Variants in SSH3 observed in about 807,000 individuals in gnomAD.
SSH3 encodes slingshot protein phosphatase 3, also known as protein phosphatase Slingshot homolog 3.
Under a neutral mutation model 75.0 loss-of-function variants are expected in SSH3, and 67 were observed. The observed-to-expected ratio is 0.89, with a 90% confidence interval of 0.73 to 1.10. The LOEUF (loss-of-function observed/expected upper bound fraction) is 1.10, where lower values mean the gene tolerates loss of function less well. Among genes scored for constraint, SSH3 ranks in the 50% least tolerant of loss-of-function variants. The pLI, the probability that SSH3 is intolerant of heterozygous loss-of-function variation, is 0.00. For missense variants in SSH3, 824 were observed against 872.7 expected, an observed-to-expected ratio of 0.94 and a Z score of 0.70; for synonymous variants, 318 against 349.2, an observed-to-expected ratio of 0.91 and a Z score of 1.00.
chr11:67,307,141 C>CT lies in SSH3; in HGVS notation c.536+29dup, dbSNP rs1388129852. On this transcript the variant is annotated intron_variant, in intron 5 of 13. Coordinates refer to ENST00000308127, the MANE Select transcript of SSH3 (RefSeq NM_017857.4). The surrounding 1 kb of genome is among the most constrained non-coding windows in gnomAD (Gnocchi z 4.2). The stretch of plus-strand genomic sequence containing the variant: ...AAGCAATGGCAACTGGAGGTGGGGG[C>CT]TGGAGGGTGGAATAACTGAGTGTGA... The CT allele has an allele frequency of 6.2e-7, 1 of 1,610,780 alleles. No homozygotes were observed. Among genetic ancestry groups the CT allele is most frequent in the Non-Finnish European group, 8.5e-7 (1 of 1,179,446 alleles).
At position 67,309,780 on chromosome 11, in the gene SSH3, C is replaced by T; in HGVS notation, c.1221C>T (p.Thr407=). ...RFIEAARAQG[T]HVLVHCKMGV... The stretch of plus-strand genomic sequence containing the variant: ...CCTGCTTCCACAGAGCACAGGGCAC[C>T]CACGTGCTGGTCCACTGCAAGATGG... Residue 407 remains threonine (T), a synonymous_variant, in exon 12 of 14, where the codon ACC becomes ACT. Transcript: ENST00000308127. The T allele has an allele frequency of 6.2e-7, 1 of 1,613,100 alleles. No homozygotes were observed. The highest frequency in any genetic ancestry group is 1.1e-5 in the South Asian group (1 of 91,082).
chr11:67,309,662 C>G (rs1374033035), intron 11 of SSH3, 106 bp from the exon 12 acceptor site: 3 of 1,578,224 alleles, frequency 1.9e-6, no homozygotes, highest in African/African-American at 2.7e-5. Context: ...GTCCTTCCCT[C>G]CTTCTCTACT....
At position 67,309,530 on chromosome 11, in the gene SSH3, A is replaced by T; in HGVS notation, c.1195A>T (p.Ile399Phe). 2 of 1,613,814 alleles carry T rather than the reference A, an allele frequency of 1.2e-6. No individual in the cohort carries two copies. Among genetic ancestry groups the T allele is most frequent in the Non-Finnish European group, 8.5e-7 (1 of 1,180,020 alleles). ...GCACTGGAAGGAGACGCACCGCTTC[A>T]TTGAGGCTGCAAGGTCGGTCTCCTG... ...LPHWKETHRF[I>F]EAARAQGTHV... Residue 399 changes from isoleucine (I) to phenylalanine (F), a missense_variant, in exon 11 of 14, where the codon ATT (isoleucine) becomes TTT (phenylalanine). Transcript: ENST00000308127.
Position 67,303,548 on chromosome 11 carries a change from T to C in SSH3, c.-78T>C. 1.4e-6 allele frequency: 2 copies of C among 1,408,264 alleles called. No individual in the cohort carries two copies. Among genetic ancestry groups the C allele is most frequent in the Non-Finnish European group, 1.9e-6 (2 of 1,053,640 alleles). 87.2% of individuals were successfully genotyped at this position (1,408,264 alleles called of 1,614,324 possible). A position where few individuals can be genotyped will look rare whatever the true frequency, so the allele number is the denominator to read the frequency against. On this transcript the variant is annotated 5_prime_UTR_variant, in exon 1 of 14. Transcript: ENST00000308127. ...TGGCGCCGTCCGTCCTTCCTGGTCC[T>C]GCGGGTCCAGGACTGTCCGCGGGGT...
intron 1 of SSH3, 114 bp from the exon 2 acceptor site, chr11:67,304,004 A>G: frequency 7.5e-7 from 1 of 1,335,516 alleles, no homozygotes. Flanking sequence ...TGGGGTGGGA[A>G]GACGATTGGC....
At chr11:67,303,978 C>T in intron 1 of SSH3, 140 bp from the exon 2 acceptor site, 1 of 1,176,242 alleles carries the variant, frequency 8.5e-7, no homozygotes, top group East Asian at 2.8e-5. Context: ...ACGGGGCCTC[C>T]CGGTGGGGCG....
intron 3 of SSH3, among the ~76,000 whole-genome samples, chr11:67,306,321 T>A (rs35973158): frequency 2.1e-5 from 3 of 144,122 alleles, no homozygotes; most frequent in Non-Finnish European, 3.0e-5. Context: ...TCCTTCTTGC[T>A]GGGCACAGTG....
rs548041384 is a variant in SSH3, at chr11:67,311,468, C to T, written c.1684-123C>T. ...TTTGGCGTGCGTGCCACAAACATTC[C>T]GGCCCTCGCCTCCTCCTGGCTCTGT... On this transcript the variant is annotated intron_variant, in intron 13 of 13. Coordinates refer to ENST00000308127, the MANE Select transcript of SSH3 (RefSeq NM_017857.4). 206 of 1,281,304 alleles carry T rather than the reference C, an allele frequency of 1.6e-4. No homozygotes were observed. The East Asian group carries it at 4.5e-3, about 28-fold the overall frequency. 79.4% of individuals were successfully genotyped at this position (1,281,304 alleles called of 1,614,324 possible). A position where few individuals can be genotyped will look rare whatever the true frequency, so the allele number is the denominator to read the frequency against.
intron 3 of SSH3, among the ~76,000 whole-genome samples, chr11:67,305,380 C>T (rs1418917319): frequency 6.6e-6 from 1 of 151,906 alleles, no homozygotes; most frequent in Admixed American, 6.6e-5. Context: ...AGTAGAGATG[C>T]GGTTTCACCG....
chr11:67,309,259 TCTC>T (rs1861341012), intron 10 of SSH3, 135 bp from the exon 11 acceptor site: 17 of 1,095,132 alleles, frequency 1.6e-5, no homozygotes, highest in Admixed American at 6.7e-5. Flanking sequence ...CTGGGTCACT[TCTC>T]CTCCCACTGT....
Position 67,309,489 on chromosome 11 carries a change from C to T in SSH3, c.1154C>T (p.Ser385Leu), listed in dbSNP as rs767969696. 27 of 1,613,884 alleles carry T rather than the reference C, an allele frequency of 1.7e-5. No individual in the cohort carries two copies. Among genetic ancestry groups the T allele is most frequent in the South Asian group, 8.8e-5 (8 of 91,090 alleles). The change falls in exon 11 of 14, where the codon TCG (serine) becomes TTG (leucine). Residue 385 changes from serine (S) to leucine (L), a missense_variant. Ser to Leu is a moderately radical substitution (Grantham distance 145, BLOSUM62 -2). Coordinates refer to ENST00000308127, the MANE Select transcript of SSH3 (RefSeq NM_017857.4). ...AATGTGCGCCTCTGGGATGAGGAGT[C>T]GGCCCAGCTGCTGCCGCACTGGAAG... ...YHNVRLWDEESAQLLPHWKET... is the reference protein window; with the variant it reads ...YHNVRLWDEELAQLLPHWKET...
At chr11:67,304,720 C>A in intron 2 of SSH3, 53 bp from the exon 3 acceptor site, 2 of 1,527,652 alleles carry the variant, frequency 1.3e-6, no homozygotes, top group Non-Finnish European at 1.8e-6. Context: ...ACTTTGAGAG[C>A]CCCTACCCTA....
chr11:67,308,465 C>A lies in SSH3; in HGVS notation c.1061+7C>A. On this transcript the variant is annotated splice_region_variant and intron_variant, in intron 10 of 13. Transcript: ENST00000308127. This position sits in a 1 kb window ranked among gnomAD's most constrained non-coding sequence, Gnocchi z 4.9. The stretch of plus-strand genomic sequence containing the variant: ...AGGAGCTGCAGAGGAACAGGTAGGG[C>A]TATGAGCCCCTCGGGCCACCCACCC... 1 of 1,580,554 alleles carries A rather than the reference C, an allele frequency of 6.3e-7. No individual in the cohort carries two copies. The highest frequency in any genetic ancestry group is 8.6e-7 in the Non-Finnish European group (1 of 1,163,824).
rs1376493346 is a variant in SSH3 at position 67,305,027 on chromosome 11, T to TC, written c.339+22dup. 4.6e-6 allele frequency: 7 copies of TC among 1,511,436 alleles called. No individual in the cohort carries two copies. In the Admixed American group the frequency reaches 5.4e-5, roughly 12 times the overall value. 93.6% of individuals were successfully genotyped at this position (1,511,436 alleles called of 1,614,324 possible). A position where few individuals can be genotyped will look rare whatever the true frequency, so the allele number is the denominator to read the frequency against. On this transcript the variant is annotated intron_variant, in intron 3 of 13. Transcript: ENST00000308127. The stretch of plus-strand genomic sequence containing the variant: ...CGCCTGGTGAGGGCCCATGTGGAGC[T>TC]CCGGGGGGTGGGGGGAAGAGACACG...
At chr11:67,306,687 C>T (rs949455902) in intron 3 of SSH3, 151 bp from the exon 4 acceptor site, 2 of 946,566 alleles carry the variant, frequency 2.1e-6, no homozygotes, top group East Asian at 2.7e-5. Flanking sequence ...TTTTTCCACA[C>T]AGTCCCTCTT....
intron 3 of SSH3, 70 bp downstream of exon 3, chr11:67,305,077 G>T: frequency 6.9e-7 from 1 of 1,453,370 alleles, no homozygotes; most frequent in Non-Finnish European, 9.4e-7. Flanking sequence ...GGAGCCCTGT[G>T]TATGTGTCTG....
In SSH3 at chr11:67,304,890, C is replaced by T; in HGVS notation, c.222C>T (p.Leu74=). Residue 74 remains leucine, a synonymous_variant, in exon 3 of 14, where the codon CTC becomes CTT. Transcript: ENST00000308127. ...AGAAGGCCCCGAGTGAGGAGGAGCT[C>T]CACGGGGACCAGACAGACTTCGGGC... ...PTEKAPSEEE[L]HGDQTDFGQG... The T allele has an allele frequency of 6.2e-7, 1 of 1,613,828 alleles. No individual in the cohort carries two copies. The highest frequency in any genetic ancestry group is 8.5e-7 in the Non-Finnish European group (1 of 1,180,014).
chr11:67,306,162 GC>G (rs1861236681), intron 3 of SSH3, among the ~76,000 whole-genome samples: 1 of 152,014 alleles, frequency 6.6e-6, no homozygotes, highest in Non-Finnish European at 1.5e-5. Context: ...GGTGGCGGGT[GC>G]CTGTAGTCCC....
chr11:67,307,351 C>T lies in SSH3; in HGVS notation c.537-20C>T, dbSNP rs1468375333. ...CGCAGAGCCTGGAGTCTGGCCTCACCTGTGCCTGGTCTCCTGCAGGGGCTT... is the reference window on the plus strand; with the variant it reads ...CGCAGAGCCTGGAGTCTGGCCTCACTTGTGCCTGGTCTCCTGCAGGGGCTT... On this transcript the variant is annotated intron_variant, in intron 5 of 13. Coordinates refer to ENST00000308127, the MANE Select transcript of SSH3 (RefSeq NM_017857.4). This position sits in a 1 kb window ranked among gnomAD's most constrained non-coding sequence, Gnocchi z 4.2. 4.3e-6 allele frequency: 7 copies of T among 1,613,538 alleles called. No individual in the cohort carries two copies. Among genetic ancestry groups the T allele is most frequent in the Non-Finnish European group, 5.9e-6 (7 of 1,179,954 alleles).
Sources: allele counts gnomAD v4.1 joint callset (sites outside exome capture counted in the v4.1 genomes callset), GRCh38; gene constraint gnomAD v4.1.1; non-coding constraint Gnocchi (gnomAD v3.1); transcripts MANE v1.5; gene names NCBI Gene and HGNC (gene_info 2026-07-23, HGNC 2026-07-21).